Variants in DTL observed in about 807,000 individuals in gnomAD.
The protein encoded by DTL is denticleless protein homolog.
Under a neutral mutation model 87.0 loss-of-function variants are expected in DTL, and 46 were observed. That is an observed-to-expected ratio of 0.53 (90% confidence interval 0.42 to 0.68). DTL has a LOEUF of 0.68. Ranked by LOEUF, DTL falls within the 30% of genes least tolerant of loss-of-function variation. The pLI, the probability that DTL is intolerant of heterozygous loss-of-function variation, is 0.00. For synonymous variants in DTL, 308 were observed against 311.2 expected, an observed-to-expected ratio of 0.99 and a Z score of 0.11; for missense variants, 737 against 869.4, an observed-to-expected ratio of 0.85 and a Z score of 1.91.
At chr1:212,085,104 A>G (rs1655090464) in intron 13 of DTL, among the ~76,000 whole-genome samples, 1 of 152,244 alleles carries the variant, frequency 6.6e-6, no homozygotes. Context: ...GTACAGACAC[A>G]ACCATCTTTT....
At chr1:212,098,125 G>C (rs1230336436) in intron 13 of DTL, among the ~76,000 whole-genome samples, 1 of 152,218 alleles carries the variant, frequency 6.6e-6, no homozygotes, top group East Asian at 1.9e-4. Context: ...AATGGAGGTG[G>C]TAGGAAAGGA....
intron 11 of DTL, 74 bp from the exon 12 acceptor site, chr1:212,078,099 C>A (rs1654885486): frequency 2.2e-6 from 2 of 909,966 alleles, no homozygotes; most frequent in South Asian, 1.4e-5. Context: ...CTAAGACACA[C>A]TTCTGAATTC....
chr1:212,051,684 C>A lies in DTL; in HGVS notation c.460+4267C>A, dbSNP rs571428710. 4 of 1,051,550 alleles carry A rather than the reference C, an allele frequency of 3.8e-6. No homozygotes were observed. The African/African-American group carries it at 6.5e-5, about 17-fold the overall frequency. The allele number at this position is 1,051,550 out of a possible 1,614,324, so 65.1% of individuals were successfully genotyped here. A position where few individuals can be genotyped will look rare whatever the true frequency, so the allele number is the denominator to read the frequency against. ...CTTTTTCTGATCATTTTCCTTCACACGTTTCAGGAAGCTATCTCGGCTCTT... is the reference window on the plus strand; with the variant it reads ...CTTTTTCTGATCATTTTCCTTCACAAGTTTCAGGAAGCTATCTCGGCTCTT... On this transcript the variant is annotated intron_variant, in intron 5 of 14. Coordinates refer to ENST00000366991, the MANE Select transcript of DTL (RefSeq NM_016448.4).
chr1:212,061,341 A>G (rs546194753), intron 5 of DTL, among the ~76,000 whole-genome samples: 42 of 152,334 alleles, frequency 2.8e-4, no homozygotes, highest in African/African-American at 8.9e-4. Context: ...ACTGCTCAAC[A>G]TGACTAATAA....
intron 13 of DTL, among the ~76,000 whole-genome samples, chr1:212,082,464 TAG>T (rs1205397180): frequency 2.0e-5 from 3 of 152,092 alleles, no homozygotes; most frequent in Non-Finnish European, 4.4e-5. Context: ...CAGGATCGTA[TAG>T]AGAGGGGGAG....
chr1:212,085,636 T>C (rs1278679326), intron 13 of DTL, among the ~76,000 whole-genome samples: 2 of 152,098 alleles, frequency 1.3e-5, no homozygotes, highest in Non-Finnish European at 2.9e-5. Context: ...TGTAACTTTA[T>C]AATTTTGATG....
rs193106341 is a variant in DTL at position 212,081,109 on chromosome 1, A to G, written c.1261+359A>G. ...TAAACAAGATAAAAAAGTAAAATAT[A>G]TACTGTGTCAAATAACAATAAGGGC... On this transcript the variant is annotated intron_variant, in intron 13 of 14. Coordinates refer to ENST00000366991, the MANE Select transcript of DTL (RefSeq NM_016448.4). Among the ~76,000 whole-genome samples the G allele has an allele frequency of 1.4e-4, 21 of 152,320 alleles. No individual in the cohort carries two copies. In the East Asian group the frequency reaches 3.9e-3, roughly 28 times the overall value.
intron 13 of DTL, among the ~76,000 whole-genome samples, chr1:212,082,627 C>T (rs959644091): frequency 1.3e-4 from 20 of 152,124 alleles, no homozygotes; most frequent in African/African-American, 4.6e-4. Flanking sequence ...TGCAGGTAGG[C>T]TACTGAGAGA....
intron 13 of DTL, among the ~76,000 whole-genome samples, chr1:212,097,839 G>A (rs997308402): frequency 4.6e-5 from 7 of 152,058 alleles, no homozygotes; most frequent in Non-Finnish European, 1.0e-4. Context: ...GTTCCTTCTC[G>A]TTTGGGTGGA....
At chr1:212,091,566 G>C (rs2102579054) in intron 13 of DTL, among the ~76,000 whole-genome samples, 1 of 152,240 alleles carries the variant, frequency 6.6e-6, no homozygotes, top group South Asian at 2.1e-4. Flanking sequence ...ATCAGATAAA[G>C]ACAATATGAT....
chr1:212,103,079 A>T lies in DTL; in HGVS notation c.*139A>T, dbSNP rs1004919441. The T allele has an allele frequency of 1.9e-6, 1 of 523,708 alleles. No homozygotes were observed. The highest frequency in any genetic ancestry group is 3.4e-6 in the Non-Finnish European group (1 of 295,382). The allele number at this position is 523,708 out of a possible 1,614,324, so 32.4% of individuals were successfully genotyped here. On this transcript the variant is annotated 3_prime_UTR_variant, in exon 15 of 15. Coordinates refer to ENST00000366991, the MANE Select transcript of DTL (RefSeq NM_016448.4). ...AGCTGCCTTTTCATTTTTAGACAAA[A>T]TCTTTTCAACGCTGAAATGTACCTA...
At position 212,047,143 on chromosome 1, in the gene DTL, T is replaced by C. The variant is rs1176875878; in HGVS notation, c.278-8T>C. ...AGACATTTCACATTTACCATTTTCT[T>C]TGTTTAGAATGGATGGCTCACTGGA... is the stretch of plus-strand genomic sequence containing the variant. On this transcript the variant is annotated splice_polypyrimidine_tract_variant and splice_region_variant and intron_variant, in intron 3 of 14. Coordinates refer to ENST00000366991, the MANE Select transcript of DTL (RefSeq NM_016448.4). The C allele has an allele frequency of 5.6e-6, 9 of 1,613,666 alleles. No homozygotes were observed. The South Asian group carries it at 8.8e-5, about 16-fold the overall frequency.
chr1:212,075,175 A>AT lies in DTL; in HGVS notation c.1035+2966dup, dbSNP rs1451773742. On this transcript the variant is annotated intron_variant, in intron 11 of 14. Coordinates refer to ENST00000366991, the MANE Select transcript of DTL (RefSeq NM_016448.4). ...TGGTTTCCAACTGGGCAGAGAAGAGATTTTGTGAGGAAAAGTGCTGATATT... is the reference window on the plus strand; with the variant it reads ...TGGTTTCCAACTGGGCAGAGAAGAGATTTTTGTGAGGAAAAGTGCTGATATT... Among the ~76,000 whole-genome samples, 4 of 152,310 alleles carry AT rather than the reference A, an allele frequency of 2.6e-5. No homozygotes were observed. The East Asian group carries it at 7.7e-4, about 29-fold the overall frequency.
At chr1:212,053,587 T>TTTG (rs1000987910) in intron 5 of DTL, among the ~76,000 whole-genome samples, 35 of 152,130 alleles carry the variant, frequency 2.3e-4, no homozygotes, top group Non-Finnish European at 3.1e-4. Flanking sequence ...TTTTTTGTTT[T>TTTG]TTGTTGTTGT....
At chr1:212,058,271 CAG>C (rs1304051902) in intron 5 of DTL, among the ~76,000 whole-genome samples, 2 of 152,144 alleles carry the variant, frequency 1.3e-5, no homozygotes, top group African/African-American at 2.4e-5. Context: ...CATCAGCAAA[CAG>C]AATATTCTCC....
intron 13 of DTL, among the ~76,000 whole-genome samples, chr1:212,097,256 C>T (rs925563241): frequency 6.6e-6 from 1 of 152,132 alleles, no homozygotes; most frequent in African/African-American, 2.4e-5. Context: ...TTACCTGATG[C>T]TTTTGCCTCC....
intron 8 of DTL, among the ~76,000 whole-genome samples, chr1:212,067,272 C>T (rs960632093): frequency 2.0e-5 from 3 of 152,004 alleles, no homozygotes; most frequent in Admixed American, 6.6e-5. Flanking sequence ...TAAGAATATC[C>T]TAAAAGAAGA....
intron 13 of DTL, among the ~76,000 whole-genome samples, chr1:212,094,199 T>G (rs547948813): frequency 6.6e-6 from 1 of 152,368 alleles, no homozygotes; most frequent in Non-Finnish European, 1.5e-5. Context: ...GATGAGTTTT[T>G]CCCATGTTAT....
intron 6 of DTL, among the ~76,000 whole-genome samples, 159 bp from the exon 7 acceptor site, chr1:212,064,758 A>G (rs1162048888): frequency 6.6e-6 from 1 of 152,216 alleles, no homozygotes; most frequent in African/African-American, 2.4e-5. Context: ...CTTTTTATAC[A>G]TTATAGTCTC....
Sources: gnomAD v4.1 joint callset for allele counts (sites outside exome capture counted in the v4.1 genomes callset) on GRCh38, gnomAD v4.1.1 for gene constraint, MANE v1.5 for transcripts, NCBI Gene and HGNC (gene_info 2026-07-23, HGNC 2026-07-21) for gene names.